The following KLHL32 variants were observed in gnomAD, a reference collection of about 807,000 sequenced individuals.
KLHL32 encodes kelch like family member 32.
Under a neutral mutation model 64.8 loss-of-function variants are expected in KLHL32, and 35 were observed. That is an observed-to-expected ratio of 0.54 (90% CI 0.41 to 0.72). KLHL32 has a LOEUF of 0.72. Among genes scored for constraint, KLHL32 ranks in the 30% least tolerant of loss-of-function variants. The pLI is 0.00. For missense variants in KLHL32, 589 were observed against 768.5 expected, an observed-to-expected ratio of 0.77 and a Z score of 2.76; for synonymous variants, 259 against 281.0, an observed-to-expected ratio of 0.92 and a Z score of 0.78.
intron 4 of KLHL32, among the ~76,000 whole-genome samples, chr6:97,057,729 G>A (rs1020141805): frequency 2.0e-5 from 3 of 152,152 alleles, no homozygotes; most frequent in Non-Finnish European, 4.4e-5. Context: ...TTGTGGAGCA[G>A]AAGTTTTTAA....
At chr6:97,101,596 C>A (rs919556572) in intron 6 of KLHL32, among the ~76,000 whole-genome samples, 8 of 152,204 alleles carry the variant, frequency 5.3e-5, no homozygotes, top group African/African-American at 1.9e-4. Context: ...GGGTTTCAGT[C>A]TGTCTCTCCC....
chr6:96,953,543 T>C (rs541715780), intron 1 of KLHL32, among the ~76,000 whole-genome samples: 39 of 152,136 alleles, frequency 2.6e-4, no homozygotes, highest in Admixed American at 1.5e-3. Flanking sequence ...GGCAGGAGAA[T>C]TGCTTGAACC....
At chr6:96,977,330 C>T (rs1333110849) in intron 3 of KLHL32, among the ~76,000 whole-genome samples, 3 of 152,152 alleles carry the variant, frequency 2.0e-5, no homozygotes, top group South Asian at 2.1e-4. Context: ...GATCTGGAAT[C>T]GAAATCTATG....
chr6:97,115,550 T>C (rs1211554044), intron 7 of KLHL32, among the ~76,000 whole-genome samples: 1 of 152,214 alleles, frequency 6.6e-6, no homozygotes, highest in African/African-American at 2.4e-5. Flanking sequence ...GCCAATCTTG[T>C]TTTCTCTACA....
At position 97,139,217 on chromosome 6, in the gene KLHL32, CCAT is replaced by C. The variant is rs1800413829; in HGVS notation, c.1799_1801del (p.Pro600_Tyr601delinsHis). 6.2e-7 allele frequency: 1 copy of C among 1,613,908 alleles called. No individual in the cohort carries two copies. The highest frequency in any genetic ancestry group is 1.3e-5 in the African/African-American group (1 of 74,900). ...AATAGCAGCATGCTTCCTTCCAGCT[CCAT>C]ATTTTACATGCCCTAACCTTCAAAC... On this transcript the variant is annotated inframe_deletion, in exon 11 of 11. Coordinates refer to ENST00000369261, the MANE Select transcript of KLHL32 (RefSeq NM_052904.4).
intron 1 of KLHL32, among the ~76,000 whole-genome samples, chr6:96,952,540 C>T (rs1772749642): frequency 6.6e-6 from 1 of 152,168 alleles, no homozygotes; most frequent in Non-Finnish European, 1.5e-5. Context: ...TAGCTAAAGT[C>T]TAACTTTGAA....
At chr6:96,904,129 G>C in the KLHL32 span, among the ~76,000 whole-genome samples, 1 of 151,994 alleles carries the variant, frequency 6.6e-6, no homozygotes, top group Admixed American at 6.5e-5. Flanking sequence ...ATTACCTGAG[G>C]TCAGGAGATT....
intron 3 of KLHL32, among the ~76,000 whole-genome samples, chr6:97,011,813 T>G (rs1252620685): frequency 6.6e-6 from 1 of 152,218 alleles, no homozygotes; most frequent in Non-Finnish European, 1.5e-5. Flanking sequence ...AAATAATGAT[T>G]GTTATTCAAG....
At chr6:97,013,836 T>C (rs1484242272) in intron 3 of KLHL32, among the ~76,000 whole-genome samples, 2 of 152,214 alleles carry the variant, frequency 1.3e-5, no homozygotes, top group Non-Finnish European at 2.9e-5. Context: ...TGACTTATTA[T>C]ATTGGGTTAT....
At chr6:97,102,740 C>T (rs1795887472) in intron 6 of KLHL32, among the ~76,000 whole-genome samples, 1 of 152,084 alleles carries the variant, frequency 6.6e-6, no homozygotes, top group African/African-American at 2.4e-5. Context: ...CCTATGGCAT[C>T]ATTGGCAAGG....
intron 4 of KLHL32, chr6:97,062,525 G>A (rs1412018112): frequency 6.6e-6 from 1 of 152,178 alleles, no homozygotes; most frequent in East Asian, 1.9e-4. Context: ...TGCCACATGT[G>A]CTTAACTTTT....
chr6:97,027,632 C>T (rs974144717), intron 3 of KLHL32, among the ~76,000 whole-genome samples: 4 of 152,204 alleles, frequency 2.6e-5, no homozygotes, highest in Non-Finnish European at 5.9e-5. Flanking sequence ...CCACCATTCA[C>T]AAGCTTAGGA....
intron 1 of KLHL32, among the ~76,000 whole-genome samples, chr6:96,962,252 A>C (rs963504338): frequency 4.6e-5 from 7 of 152,236 alleles, no homozygotes; most frequent in African/African-American, 1.7e-4. Flanking sequence ...AATAAAGACT[A>C]TTAAGAGGTT....
At chr6:97,057,205 A>G (rs1260162329) in intron 4 of KLHL32, among the ~76,000 whole-genome samples, 2 of 46,478 alleles carry the variant, frequency 4.3e-5, no homozygotes, top group East Asian at 1.4e-3. Context: ...TTTTTTTGAG[A>G]CGGAGTTTCG....
At chr6:97,091,468 A>G (rs1794215939) in intron 6 of KLHL32, among the ~76,000 whole-genome samples, 1 of 152,192 alleles carries the variant, frequency 6.6e-6, no homozygotes, top group African/African-American at 2.4e-5. Flanking sequence ...GGTGCTGGGT[A>G]GTCAGTAATG....
At chr6:96,943,994 G>T (rs1389825809) in intron 1 of KLHL32, among the ~76,000 whole-genome samples, 1 of 152,068 alleles carries the variant, frequency 6.6e-6, no homozygotes, top group Non-Finnish European at 1.5e-5. Flanking sequence ...TCAACCTGTG[G>T]TCTCATTTTT....
intron 5 of KLHL32, among the ~76,000 whole-genome samples, chr6:97,083,015 T>C (rs1246416681): frequency 6.6e-6 from 1 of 152,216 alleles, no homozygotes; most frequent in African/African-American, 2.4e-5. Context: ...CTGTGTACTT[T>C]CCACGTGCCA....
At chr6:96,954,102 A>C (rs1227719323) in intron 1 of KLHL32, among the ~76,000 whole-genome samples, 2 of 152,068 alleles carry the variant, frequency 1.3e-5, no homozygotes, top group Non-Finnish European at 2.9e-5. Context: ...CTCCTGAATC[A>C]CATGTCTTCC....
At chr6:97,138,288 C>T (rs1357903664) in intron 10 of KLHL32, among the ~76,000 whole-genome samples, 1 of 152,146 alleles carries the variant, frequency 6.6e-6, no homozygotes, top group Non-Finnish European at 1.5e-5. Context: ...CTTATAATCC[C>T]AGCACTTCGG....
Sources: allele counts gnomAD v4.1 joint callset (sites outside exome capture counted in the v4.1 genomes callset), GRCh38; gene constraint gnomAD v4.1.1; transcripts MANE v1.5; gene names NCBI Gene and HGNC (gene_info 2026-07-23, HGNC 2026-07-21).